Variants in FARP2 observed in about 807,000 individuals in gnomAD.
The protein encoded by FARP2 is FERM, ARHGEF and pleckstrin domain-containing protein 2.
FARP2 carries 111 observed loss-of-function variants against 130.5 expected under a neutral mutation model. The observed-to-expected ratio is 0.85, with a 90% CI of 0.73 to 1.00. FARP2 has a LOEUF of 1.00. Among genes scored for constraint, FARP2 ranks in the 50% least tolerant of loss-of-function variants. The pLI is 0.00. For missense variants in FARP2, 1,385 were observed against 1,346.3 expected (o/e 1.03, Z -0.45); for synonymous variants, 504 against 516.9 (o/e 0.98, Z 0.34).
At chr2:241,433,385 T>C (rs1158085294) in intron 9 of FARP2, among the ~76,000 whole-genome samples, 1 of 152,230 alleles carries the variant, frequency 6.6e-6, no homozygotes, top group Non-Finnish European at 1.5e-5. Flanking sequence ...CAGATTTCCA[T>C]TTCTAGGAAT....
At chr2:241,491,718 G>A (rs752655651) in intron 24 of FARP2, 39 bp downstream of exon 24, 5 of 1,545,422 alleles carry the variant, frequency 3.2e-6, no homozygotes, top group Non-Finnish European at 4.4e-6. Flanking sequence ...CATCTGGAAT[G>A]TTCCCAGCTG....
At chr2:241,397,686 G>A (rs1314879943) in intron 2 of FARP2, among the ~76,000 whole-genome samples, 1 of 152,022 alleles carries the variant, frequency 6.6e-6, no homozygotes, top group Admixed American at 6.6e-5. Context: ...TCCAGCGGTA[G>A]AATCAGCTGC....
chr2:241,464,607 T>C lies in FARP2; in HGVS notation c.1893+627T>C, dbSNP rs202150220. 4.9e-5 allele frequency among the ~76,000 whole-genome samples: 7 copies of C among 142,920 alleles called. No individual in the cohort carries two copies. In the South Asian group the frequency reaches 1.7e-3, roughly 35 times the overall value. 93.8% of individuals were successfully genotyped at this position (142,920 alleles called of 152,430 possible). A position where few individuals can be genotyped will look rare whatever the true frequency, so the allele number is the denominator to read the frequency against. ...AACAGGGTCCTCTCAGAACAGGGTCTTCTCAGAATAGCATCCCCCTCAGGC... is the reference window on the plus strand; with the variant it reads ...AACAGGGTCCTCTCAGAACAGGGTCCTCTCAGAATAGCATCCCCCTCAGGC... On this transcript the variant is annotated intron_variant, in intron 17 of 26. Transcript: ENST00000264042.
chr2:241,456,792 GCC>G lies in FARP2; in HGVS notation c.1461_1462del (p.Leu488GlufsTer14), dbSNP rs369365011. The G allele has an allele frequency of 6.2e-7, 1 of 1,614,004 alleles. No individual in the cohort carries two copies. Among genetic ancestry groups the G allele is most frequent in the Non-Finnish European group, 8.5e-7 (1 of 1,180,012 alleles). Reference sequence around the variant, plus strand: ...CAGCCTTCTCCCTCCAGCCGGAAGAGCCCCCTGAGTCTGAGCCCTGCATTTCA... The same window carrying G: ...CAGCCTTCTCCCTCCAGCCGGAAGAGCCCTGAGTCTGAGCCCTGCATTTCA... On this transcript the variant is annotated frameshift_variant, in exon 14 of 27. Transcript: ENST00000264042. LOFTEE classifies it high-confidence loss of function.
At chr2:241,465,972 T>C (rs2064158237) in intron 17 of FARP2, 1 of 1,406,850 alleles carries the variant, frequency 7.1e-7, no homozygotes. Flanking sequence ...GTTCTACTTA[T>C]CCCAAAGGCA....
chr2:241,463,171 G>C (rs762885448), intron 15 of FARP2, among the ~76,000 whole-genome samples, 164 bp from the exon 16 acceptor site: 4 of 152,168 alleles, frequency 2.6e-5, no homozygotes, highest in Non-Finnish European at 4.4e-5. Flanking sequence ...TTGAAAACTG[G>C]ATGGTCAACA....
intron 2 of FARP2, among the ~76,000 whole-genome samples, chr2:241,385,371 T>A (rs1050333739): frequency 6.6e-6 from 1 of 152,120 alleles, no homozygotes; most frequent in Non-Finnish European, 1.5e-5. Context: ...CTTAGAAAAT[T>A]TTTTAATATA....
chr2:241,493,565 C>A, intron 26 of FARP2, 121 bp downstream of exon 26: 3 of 848,902 alleles, frequency 3.5e-6, no homozygotes, highest in Non-Finnish European at 5.6e-6. Flanking sequence ...CTGAGCAATG[C>A]TTCCAGCATT....
intron 2 of FARP2, among the ~76,000 whole-genome samples, chr2:241,378,416 A>ATTTTTTTTTTTTTTTTTT (rs10692211): frequency 1.9e-5 from 2 of 107,668 alleles, no homozygotes; most frequent in African/African-American, 3.6e-5. Context: ...TGCCTGGCCT[A>ATTTTTTTTTTTTTTTTTT]TTTTTTTTTT....
In FARP2 at chr2:241,491,174, C is replaced by A; in HGVS notation, c.2618C>A (p.Pro873His). The A allele has an allele frequency of 6.2e-7, 1 of 1,607,530 alleles. No homozygotes were observed. The highest frequency in any genetic ancestry group is 8.5e-7 in the Non-Finnish European group (1 of 1,174,650). The stretch of plus-strand genomic sequence containing the variant: ...CCAGGCCGCACTGTGTGCACTCGTC[C>A]CCCCAGTGAGTGCTGGCCACAACCC... ...ALPGRTVCTRPPRSPNEVSLE... is the reference protein window; with the variant it reads ...ALPGRTVCTRHPRSPNEVSLE... Residue 873 changes from proline to histidine, a missense_variant, in exon 23 of 27, where the codon CCC (proline) becomes CAC (histidine). Pro to His is a moderately conservative substitution (Grantham distance 77). Transcript: ENST00000264042.
chr2:241,375,102 A>G (rs1305377998), intron 2 of FARP2, among the ~76,000 whole-genome samples: 3 of 151,968 alleles, frequency 2.0e-5, no homozygotes, highest in Admixed American at 1.3e-4. Flanking sequence ...GCCCGCCACC[A>G]TGCCCAGCTT....
At chr2:241,429,769 G>A (rs756638695) in intron 8 of FARP2, among the ~76,000 whole-genome samples, 1 of 152,028 alleles carries the variant, frequency 6.6e-6, no homozygotes, top group Non-Finnish European at 1.5e-5. Flanking sequence ...CCTTTAACTC[G>A]TTAAACAAGA....
intron 13 of FARP2, among the ~76,000 whole-genome samples, chr2:241,447,915 G>A (rs1232180937): frequency 6.6e-6 from 1 of 152,198 alleles, no homozygotes; most frequent in African/African-American, 2.4e-5. Flanking sequence ...CTCTGGGAAG[G>A]TGGTGGTGCC....
chr2:241,422,260 CAAAA>C (rs1198628886), intron 8 of FARP2, among the ~76,000 whole-genome samples: 7 of 91,978 alleles, frequency 7.6e-5, no homozygotes, highest in African/African-American at 2.7e-4. Context: ...ACTAAAAATA[CAAAA>C]AAAAAAAAAA....
At chr2:241,400,170 G>C (rs73002180) in intron 2 of FARP2, among the ~76,000 whole-genome samples, 4,147 of 152,296 alleles carry the variant, frequency 0.027, 79 homozygotes, top group Non-Finnish European at 0.046. Flanking sequence ...CAGGGGCTCA[G>C]GTAGGACGGG....
intron 7 of FARP2, among the ~76,000 whole-genome samples, chr2:241,415,989 C>G (rs1044327267): frequency 1.4e-5 from 2 of 141,714 alleles, no homozygotes; most frequent in East Asian, 2.1e-4. Flanking sequence ...CAGGGTAGTT[C>G]TGTGTGTGTG....
chr2:241,362,775 C>T (rs952571226), intron 1 of FARP2, among the ~76,000 whole-genome samples: 2 of 152,192 alleles, frequency 1.3e-5, no homozygotes, highest in Admixed American at 6.5e-5. Flanking sequence ...CTGCAGGATT[C>T]TGCAGAGAAA....
At chr2:241,422,260 C>CAAAAAAAAAAAA (rs1198628886) in intron 8 of FARP2, among the ~76,000 whole-genome samples, 2 of 91,964 alleles carry the variant, frequency 2.2e-5, no homozygotes, top group African/African-American at 4.5e-5. Flanking sequence ...ACTAAAAATA[C>CAAAAAAAAAAAA]AAAAAAAAAA....
intron 14 of FARP2, among the ~76,000 whole-genome samples, chr2:241,457,960 G>A (rs566158915): frequency 5.7e-4 from 87 of 152,266 alleles, no homozygotes; most frequent in African/African-American, 2.0e-3. Context: ...TTGAGGCAGT[G>A]TCCCCTATGG....
Sources: allele counts gnomAD v4.1 joint callset (sites outside exome capture counted in the v4.1 genomes callset), GRCh38; gene constraint gnomAD v4.1.1; transcripts MANE v1.5; gene names NCBI Gene and HGNC (gene_info 2026-07-23, HGNC 2026-07-21).